Variants in CHMP2B observed in about 807,000 individuals in gnomAD.
CHMP2B encodes the protein VPS2 homolog B.
A neutral mutation model predicts 29.8 loss-of-function variants in CHMP2B; 22 were observed. The ratio of observed to expected loss-of-function variants is 0.74; its 90% CI spans 0.53 to 1.05. The LOEUF (loss-of-function observed/expected upper bound fraction) is 1.05. Ranked by LOEUF, CHMP2B falls within the 50% of genes least tolerant of loss-of-function variation. The pLI, the probability that CHMP2B is intolerant of heterozygous loss-of-function variation, is 0.00. For synonymous variants in CHMP2B, 78 were observed against 75.8 expected (o/e 1.03, Z -0.15); for missense variants, 261 against 252.2 (o/e 1.03, Z -0.24).
chr3:87,228,927 C>T (rs1288602379), intron 1 of CHMP2B, among the ~76,000 whole-genome samples: 1 of 149,242 alleles, frequency 6.7e-6, no homozygotes, highest in Non-Finnish European at 1.5e-5. Context: ...TACAGTACTC[C>T]AGGGAGTGGG....
In CHMP2B at chr3:87,246,010, A is replaced by G. The variant is rs369918067; in HGVS notation, c.321+102A>G. 4.8e-5 allele frequency: 42 copies of G among 876,178 alleles called. No individual in the cohort carries two copies. In the African/African-American group the frequency reaches 4.9e-4, roughly 10 times the overall value. 54.3% of individuals were successfully genotyped at this position (876,178 alleles called of 1,614,324 possible). ...AAAAGCACCTCCTGGTGTATATGTG[A>G]TACAAAATGTGTGTAATTTTTAGTA... is the stretch of plus-strand genomic sequence containing the variant. On this transcript the variant is annotated intron_variant, in intron 3 of 5. Coordinates refer to ENST00000263780, the MANE Select transcript of CHMP2B (RefSeq NM_014043.4).
intron 4 of CHMP2B, among the ~76,000 whole-genome samples, chr3:87,250,977 T>C (rs899510786): frequency 3.2e-4 from 49 of 152,042 alleles, no homozygotes; most frequent in Admixed American, 2.4e-3. Flanking sequence ...TTTGAAAGTA[T>C]GTTTTCTAAA....
chr3:87,247,039 C>T (rs548072649), intron 3 of CHMP2B, among the ~76,000 whole-genome samples: 1 of 152,206 alleles, frequency 6.6e-6, no homozygotes, highest in African/African-American at 2.4e-5. Context: ...AAAAAAATAG[C>T]CTCAGAGGAA....
intron 4 of CHMP2B, 167 bp from the exon 5 acceptor site, chr3:87,253,237 T>C (rs1461604806): frequency 3.3e-6 from 2 of 603,400 alleles, no homozygotes; most frequent in South Asian, 1.8e-5. Flanking sequence ...GGCTCAAATA[T>C]GTATTTATCA....
intron 1 of CHMP2B, among the ~76,000 whole-genome samples, chr3:87,235,627 TAATTA>T (rs1226160718): frequency 5.3e-5 from 8 of 152,366 alleles, no homozygotes; most frequent in South Asian, 2.1e-4. Flanking sequence ...TAAACTATTT[TAATTA>T]AATTACATGT....
rs143178463 is a variant in CHMP2B at position 87,253,729 on chromosome 3, A to G, written c.549A>G (p.Ser183=). ...EISGKMAKAP[S]AARSLPSAST... ...TAATATAGATGGCCAAAGCTCCATC[A>G]GCTGCTCGAAGCTTACCATCTGCCT... The change falls in exon 6 of 6, where the codon TCA becomes TCG. Residue 183 remains serine (S), a synonymous_variant. Coordinates refer to ENST00000263780, the MANE Select transcript of CHMP2B (RefSeq NM_014043.4). The G allele has an allele frequency of 3.8e-5, 62 of 1,612,422 alleles. No individual in the cohort carries two copies. The African/African-American group carries it at 5.6e-4, about 15-fold the overall frequency.
At chr3:87,238,513 A>G (rs893575172) in intron 1 of CHMP2B, among the ~76,000 whole-genome samples, 3 of 152,270 alleles carry the variant, frequency 2.0e-5, no homozygotes, top group South Asian at 4.1e-4. Context: ...TTCTGTCTGT[A>G]TGGAATTACC....
Position 87,250,081 on chromosome 3 carries a change from A to G in CHMP2B, c.424+104A>G, listed in dbSNP as rs1218657500. On this transcript the variant is annotated intron_variant, in intron 4 of 5. Transcript: ENST00000263780. ...TCATTCACGAAGGCAGAAATGATGA[A>G]ACCAAAGATGATAGGCTCAAAATTC... 4.3e-6 allele frequency: 3 copies of G among 690,700 alleles called. No individual in the cohort carries two copies. The East Asian group carries it at 8.8e-5, about 20-fold the overall frequency. The allele number at this position is 690,700 out of a possible 1,614,324, so 42.8% of individuals were successfully genotyped here.
chr3:87,227,620 C>G (rs1705835813), intron 1 of CHMP2B, 64 bp downstream of exon 1: 9 of 1,600,122 alleles, frequency 5.6e-6, no homozygotes, highest in Non-Finnish European at 6.9e-6. Context: ...TCGAGGCCTG[C>G]TGGCCGCGAT....
chr3:87,240,876 A>C, intron 2 of CHMP2B, 86 bp downstream of exon 2: 1 of 945,466 alleles, frequency 1.1e-6, no homozygotes. Context: ...GGAAGAAGGC[A>C]CATGGCAGGT....
At chr3:87,248,747 G>A (rs1706261334) in intron 3 of CHMP2B, among the ~76,000 whole-genome samples, 1 of 151,676 alleles carries the variant, frequency 6.6e-6, no homozygotes, top group African/African-American at 2.4e-5. Flanking sequence ...AGAGAGTTAG[G>A]TGTGTTGGGG....
chr3:87,242,830 T>G (rs1483894357), intron 2 of CHMP2B, among the ~76,000 whole-genome samples: 1 of 152,168 alleles, frequency 6.6e-6, no homozygotes, highest in Non-Finnish European at 1.5e-5. Flanking sequence ...TTATTTTTGT[T>G]AATAAAGGTT....
intron 1 of CHMP2B, among the ~76,000 whole-genome samples, chr3:87,237,737 A>G (rs1417229253): frequency 1.3e-5 from 2 of 152,202 alleles, no homozygotes; most frequent in African/African-American, 2.4e-5. Context: ...AAGCAAAGAA[A>G]TGTGTTTAAT....
intron 1 of CHMP2B, among the ~76,000 whole-genome samples, chr3:87,238,307 C>G (rs1230541959): frequency 6.6e-6 from 1 of 152,134 alleles, no homozygotes; most frequent in East Asian, 1.9e-4. Flanking sequence ...GTTACCACTA[C>G]CTGTATCTAG....
At chr3:87,231,141 A>C (rs1418347028) in intron 1 of CHMP2B, among the ~76,000 whole-genome samples, 3 of 152,072 alleles carry the variant, frequency 2.0e-5, no homozygotes, top group African/African-American at 7.2e-5. Flanking sequence ...GTACTGATGG[A>C]TCCCAAATTT....
chr3:87,254,114 C>A lies in CHMP2B; in HGVS notation c.*292C>A. 3.5e-6 allele frequency: 1 copy of A among 286,024 alleles called. No individual in the cohort carries two copies. The highest frequency in any genetic ancestry group is 8.3e-5 in the East Asian group (1 of 12,004). 17.7% of individuals were successfully genotyped at this position (286,024 alleles called of 1,614,324 possible). On this transcript the variant is annotated 3_prime_UTR_variant, in exon 6 of 6. Transcript: ENST00000263780. ...AGAAATTATATTCCTTACTTCATGT[C>A]AGTTTATGTTCTAAATCTTTTTCAC...
chr3:87,237,580 T>C (rs981028998), intron 1 of CHMP2B, among the ~76,000 whole-genome samples: 2 of 152,236 alleles, frequency 1.3e-5, no homozygotes, highest in Non-Finnish European at 2.9e-5. Flanking sequence ...TTCCAATCCA[T>C]GCTCTAGGGG....
rs566977769 is a variant in CHMP2B, at chr3:87,233,124, G to A, written c.34+5568G>A. On this transcript the variant is annotated intron_variant, in intron 1 of 5. Coordinates refer to ENST00000263780, the MANE Select transcript of CHMP2B (RefSeq NM_014043.4). ...TCTTAAGTTAGTTGGCTCTCTTGAC[G>A]ATGTCTAGGTAGAATAAAGCTGTTG... Among the ~76,000 whole-genome samples, 214 of 152,154 alleles carry A rather than the reference G, an allele frequency of 1.4e-3. 2 individuals carry two copies. Among genetic ancestry groups the A allele is most frequent in the Admixed American group, 2.6e-3 (40 of 15,290 alleles).
intron 1 of CHMP2B, chr3:87,240,318 T>G (rs1559607350): frequency 6.6e-6 from 1 of 152,648 alleles, no homozygotes; most frequent in African/African-American, 2.4e-5. Flanking sequence ...TTTTTTTTTT[T>G]GGAGACAGAG....
Sources: gnomAD v4.1 joint callset for allele counts (sites outside exome capture counted in the v4.1 genomes callset) on GRCh38, gnomAD v4.1.1 for gene constraint, MANE v1.5 for transcripts, NCBI Gene and HGNC (gene_info 2026-07-23, HGNC 2026-07-21) for gene names.